The following CORIN variants were observed in gnomAD, a reference collection of about 807,000 sequenced individuals.
The protein encoded by CORIN is atrial natriuretic peptide-converting enzyme.
CORIN carries 117 observed loss-of-function variants against 125.3 expected under a neutral mutation model. That is an observed-to-expected ratio of 0.93 (90% CI 0.80 to 1.09). The LOEUF is 1.09. CORIN is among the 50% of genes least tolerant of loss of function. CORIN has a pLI of 0.00. For missense variants in CORIN, 1,253 were observed against 1,306.7 expected, an observed-to-expected ratio of 0.96 and a Z score of 0.63; for synonymous variants, 450 against 466.4, an observed-to-expected ratio of 0.96 and a Z score of 0.45.
chr4:47,725,721 T>A (rs1577865891), intron 5 of CORIN, among the ~76,000 whole-genome samples: 1 of 152,128 alleles, frequency 6.6e-6, no homozygotes, highest in African/African-American at 2.4e-5. Flanking sequence ...ATAGTTCTTA[T>A]ATGATACAAA....
At chr4:47,786,594 A>G (rs915024178) in intron 3 of CORIN, 131 bp downstream of exon 3, 3 of 686,616 alleles carry the variant, frequency 4.4e-6, no homozygotes, top group African/African-American at 3.6e-5. Context: ...AGCTACGCTT[A>G]CCAGGAAACT....
rs145776343 is a variant in CORIN, at chr4:47,721,423, C to T, written c.799+22979G>A. Among the ~76,000 whole-genome samples the T allele has an allele frequency of 3.8e-3, 583 of 152,268 alleles. 12 individuals carry two copies. The highest frequency in any genetic ancestry group is 0.034 in the East Asian group (177 of 5,180). On this transcript the variant is annotated intron_variant, in intron 5 of 21. Transcript: ENST00000273857. ...TAGCTGTGATTACAGGTGTGTGTCA[C>T]CACACCAGTTAATTTTTGTATTTTT...
chr4:47,620,129 TCTC>T (rs1722247305), intron 19 of CORIN, among the ~76,000 whole-genome samples: 1 of 152,170 alleles, frequency 6.6e-6, no homozygotes, highest in Admixed American at 6.5e-5. Flanking sequence ...TAAAAGTGTG[TCTC>T]CTCACTAGAT....
intron 1 of CORIN, 119 bp from the exon 2 acceptor site, chr4:47,807,166 T>C: frequency 1.4e-6 from 1 of 733,346 alleles, no homozygotes. Context: ...AGTTTGTGGT[T>C]TAGGGTATGA....
At position 47,706,331 on chromosome 4, in the gene CORIN, T is replaced by C. The variant is rs1006143249; in HGVS notation, c.800-13248A>G. Reference sequence around the variant, plus strand: ...ATGGACTTTCAAGAAAACTACCAACTTTTGCCTTTCCGTCTGGCGGCAGCC... The same window carrying C: ...ATGGACTTTCAAGAAAACTACCAACCTTTGCCTTTCCGTCTGGCGGCAGCC... On this transcript the variant is annotated intron_variant, in intron 5 of 21. Coordinates refer to ENST00000273857, the MANE Select transcript of CORIN (RefSeq NM_006587.4). The C allele has an allele frequency of 5.5e-6, 8 of 1,466,974 alleles. No individual in the cohort carries two copies. In the African/African-American group the frequency reaches 9.7e-5, roughly 18 times the overall value. 90.9% of individuals were successfully genotyped at this position (1,466,974 alleles called of 1,614,324 possible). A position where few individuals can be genotyped will look rare whatever the true frequency, so the allele number is the denominator to read the frequency against.
intron 1 of CORIN, among the ~76,000 whole-genome samples, chr4:47,816,859 C>T (rs1732295447): frequency 6.6e-6 from 1 of 152,126 alleles, no homozygotes; most frequent in Non-Finnish European, 1.5e-5. Context: ...CACACACACA[C>T]ACACTCACAC....
intron 6 of CORIN, among the ~76,000 whole-genome samples, chr4:47,687,072 A>G (rs1725552997): frequency 6.6e-6 from 1 of 152,210 alleles, no homozygotes; most frequent in Admixed American, 6.5e-5. Flanking sequence ...AAAAATCCTC[A>G]TTGTTCTCCC....
chr4:47,721,875 G>GT (rs1727364605), intron 5 of CORIN, among the ~76,000 whole-genome samples: 1 of 152,096 alleles, frequency 6.6e-6, no homozygotes, highest in African/African-American at 2.4e-5. Context: ...TCTGGCCATC[G>GT]TTTCTTCATT....
intron 5 of CORIN, among the ~76,000 whole-genome samples, chr4:47,727,643 C>T (rs757218976): frequency 3.2e-4 from 48 of 151,812 alleles, no homozygotes; most frequent in Non-Finnish European, 5.7e-4. Flanking sequence ...TAATGAAATT[C>T]TGTAGGTGAA....
At chr4:47,670,315 C>CT (rs1724690559) in intron 10 of CORIN, among the ~76,000 whole-genome samples, 1 of 152,170 alleles carries the variant, frequency 6.6e-6, no homozygotes, top group Admixed American at 6.5e-5. Flanking sequence ...TGTATTCAAT[C>CT]TTTTTTTCAC....
chr4:47,814,574 A>C (rs1732186995), intron 1 of CORIN, among the ~76,000 whole-genome samples: 1 of 152,152 alleles, frequency 6.6e-6, no homozygotes, highest in African/African-American at 2.4e-5. Context: ...AATAATGTGG[A>C]TAGTTCTCAA....
chr4:47,608,409 G>A (rs1721744786), intron 19 of CORIN, among the ~76,000 whole-genome samples: 1 of 152,204 alleles, frequency 6.6e-6, no homozygotes, highest in South Asian at 2.1e-4. Context: ...GGAATTACTT[G>A]CCATTTGGCT....
Position 47,679,549 on chromosome 4 carries a change from A to G in CORIN, c.1132+592T>C, listed in dbSNP as rs142733385. On this transcript the variant is annotated intron_variant, in intron 8 of 21. Coordinates refer to ENST00000273857, the MANE Select transcript of CORIN (RefSeq NM_006587.4). Reference sequence around the variant, plus strand: ...CAGCTAATTTTTGTATTTTTACTAGAGACTGTTGGCCAGGCTGGTCTCAAA... The same window carrying G: ...CAGCTAATTTTTGTATTTTTACTAGGGACTGTTGGCCAGGCTGGTCTCAAA... 379 of 152,416 alleles carry G rather than the reference A, an allele frequency of 2.5e-3. 3 individuals carry two copies. The highest frequency in any genetic ancestry group is 3.9e-3 in the Non-Finnish European group (265 of 68,228). The allele number at this position is 152,416 out of a possible 1,614,324, so 9.4% of individuals were successfully genotyped here.
chr4:47,707,807 G>C (rs1352293357), intron 5 of CORIN, among the ~76,000 whole-genome samples: 1 of 152,190 alleles, frequency 6.6e-6, no homozygotes, highest in African/African-American at 2.4e-5. Flanking sequence ...GGGTTAGCAG[G>C]GGCTAAAGAA....
At chr4:47,813,605 C>T (rs546649456) in intron 1 of CORIN, among the ~76,000 whole-genome samples, 3 of 152,306 alleles carry the variant, frequency 2.0e-5, no homozygotes, top group Admixed American at 2.0e-4. Flanking sequence ...AGAATTTAAA[C>T]TGTTTCTGAT....
At chr4:47,666,756 C>A (rs1724503414) in intron 10 of CORIN, among the ~76,000 whole-genome samples, 1 of 152,172 alleles carries the variant, frequency 6.6e-6, no homozygotes, top group South Asian at 2.1e-4. Context: ...CAGGAAGCAG[C>A]CTGTTACCAG....
intron 1 of CORIN, among the ~76,000 whole-genome samples, chr4:47,816,204 C>G (rs1732260085): frequency 6.6e-6 from 1 of 152,106 alleles, no homozygotes; most frequent in African/African-American, 2.4e-5. Flanking sequence ...GAAAAGGAAT[C>G]CTGCAGTGAA....
intron 19 of CORIN, among the ~76,000 whole-genome samples, chr4:47,622,139 G>A (rs1385291503): frequency 6.7e-6 from 1 of 149,894 alleles, no homozygotes; most frequent in Non-Finnish European, 1.5e-5. Flanking sequence ...TGAGAATGAT[G>A]ATTTCCAATT....
At chr4:47,598,330 C>G (rs1721327447) in intron 21 of CORIN, among the ~76,000 whole-genome samples, 1 of 152,040 alleles carries the variant, frequency 6.6e-6, no homozygotes, top group Non-Finnish European at 1.5e-5. Flanking sequence ...GTTTGGTTTT[C>G]TACCTGAAGT....
Sources: allele counts gnomAD v4.1 joint callset (sites outside exome capture counted in the v4.1 genomes callset), GRCh38; gene constraint gnomAD v4.1.1; transcripts MANE v1.5; gene names NCBI Gene and HGNC (gene_info 2026-07-23, HGNC 2026-07-21).